RBFOX2: variants seen among roughly 807,000 people sequenced by gnomAD.
RBFOX2 encodes RNA binding protein fox-1 homolog 2.
In RBFOX2, 10 loss-of-function variants were observed where a neutral mutation model predicts 49.1. The observed-to-expected ratio is 0.20, with a 90% CI of 0.13 to 0.35. RBFOX2 has a LOEUF of 0.35. Among genes scored for constraint, RBFOX2 ranks in the 10% least tolerant of loss-of-function variants. The pLI, the probability that RBFOX2 is intolerant of heterozygous loss-of-function variation, is 1.00. For synonymous variants in RBFOX2, 183 were observed against 187.4 expected, an observed-to-expected ratio of 0.98 and a Z score of 0.19; for missense variants, 323 against 486.9, an observed-to-expected ratio of 0.66 and a Z score of 3.17.
chr22:35,906,756 A>T (rs1366895391), intron 1 of RBFOX2, among the ~76,000 whole-genome samples: 1 of 152,144 alleles, frequency 6.6e-6, no homozygotes, highest in East Asian at 1.9e-4. Context: ...TGGAGGCTGC[A>T]GTGAGCCAAG....
chr22:35,772,508 C>A lies in RBFOX2; in HGVS notation c.454-4159G>T, dbSNP rs111907959. Among the ~76,000 whole-genome samples the A allele has an allele frequency of 4.6e-3, 707 of 152,184 alleles. 9 individuals carry two copies. The highest frequency in any genetic ancestry group is 0.016 in the African/African-American group (649 of 41,534). ...TGTCCATTTTACCCTTACAGGCACA[C>A]CTCCGTTTAAACTCTCCAAATTTCA... is the stretch of plus-strand genomic sequence containing the variant. On this transcript the variant is annotated intron_variant, in intron 4 of 11. Transcript: ENST00000405409.
At chr22:36,028,306 G>T in exon 1 of RBFOX2, 2 of 1,525,652 alleles carry the variant, frequency 1.3e-6, no homozygotes, top group East Asian at 2.7e-5. Flanking sequence ...GGCCGGGATC[G>T]GCTCCGTCTC....
At chr22:35,834,596 G>A (rs760059060) in intron 1 of RBFOX2, among the ~76,000 whole-genome samples, 21 of 152,170 alleles carry the variant, frequency 1.4e-4, no homozygotes, top group Non-Finnish European at 2.8e-4. Context: ...AGTTAAGGGA[G>A]AGGTCGCCCT....
At chr22:35,815,078 G>A (rs887548073) in intron 1 of RBFOX2, among the ~76,000 whole-genome samples, 5 of 152,130 alleles carry the variant, frequency 3.3e-5, no homozygotes, top group African/African-American at 1.2e-4. Flanking sequence ...CAATCTCAGA[G>A]GTTCAATCAT....
At chr22:35,942,987 G>A (rs1037576763), upstream of RBFOX2, among the ~76,000 whole-genome samples, 19 of 152,110 alleles carry the variant, frequency 1.2e-4, no homozygotes, top group African/African-American at 3.6e-4. Context: ...TTTTATAAAT[G>A]TCATTTTACA....
chr22:36,025,968 T>C (rs1012592860), intron 1 of RBFOX2, among the ~76,000 whole-genome samples: 8 of 150,228 alleles, frequency 5.3e-5, no homozygotes, highest in African/African-American at 9.9e-5. Context: ...CCTACAACAA[T>C]GGGAATGTAT....
intron 1 of RBFOX2, among the ~76,000 whole-genome samples, chr22:35,856,691 G>A (rs1288743539): frequency 4.0e-5 from 6 of 151,850 alleles, no homozygotes; most frequent in African/African-American, 1.5e-4. Flanking sequence ...GATGGGACAG[G>A]GGGTGGAGGA....
In RBFOX2 at chr22:35,756,151, A is replaced by G; in HGVS notation, c.887+3737T>C. ...TCCGTCCTGGTAAACCACACTGCAG[A>G]AAATCCACACAAAAACAAAAACAAA... On this transcript the variant is annotated intron_variant, in intron 9 of 11. Transcript: ENST00000405409. 6.7e-7 allele frequency: 1 copy of G among 1,497,708 alleles called. No individual in the cohort carries two copies. Among genetic ancestry groups the G allele is most frequent in the Non-Finnish European group, 9.0e-7 (1 of 1,115,112 alleles). The allele number at this position is 1,497,708 out of a possible 1,614,324, so 92.8% of individuals were successfully genotyped here.
At chr22:35,838,523 C>T (rs919271720) in intron 1 of RBFOX2, among the ~76,000 whole-genome samples, 9 of 152,118 alleles carry the variant, frequency 5.9e-5, no homozygotes, top group Admixed American at 1.3e-4. Context: ...GCATCCCCAG[C>T]GTCTGGCATT....
chr22:35,942,889 A>G (rs936058701), upstream of RBFOX2, among the ~76,000 whole-genome samples: 35 of 152,228 alleles, frequency 2.3e-4, no homozygotes, highest in African/African-American at 8.2e-4. Flanking sequence ...ATGACTTAGA[A>G]TAAAGCTGTT....
chr22:35,991,430 G>A (rs1353597859), intron 1 of RBFOX2, among the ~76,000 whole-genome samples: 1 of 152,164 alleles, frequency 6.6e-6, no homozygotes, highest in Non-Finnish European at 1.5e-5. Context: ...TTTGGGTATT[G>A]CAAGGTTTCT....
chr22:35,802,724 G>C (rs971060858), intron 2 of RBFOX2, among the ~76,000 whole-genome samples: 1 of 152,044 alleles, frequency 6.6e-6, no homozygotes, highest in Admixed American at 6.6e-5. Context: ...GTCTGAAGAG[G>C]GTGCAGTGGA....
chr22:35,958,432 CA>C (rs1453744151), intron 1 of RBFOX2, among the ~76,000 whole-genome samples: 1 of 152,168 alleles, frequency 6.6e-6, no homozygotes, highest in Non-Finnish European at 1.5e-5. Context: ...TTTGAGTTCA[CA>C]ATCCTGCCTA....
chr22:35,917,419 G>T (rs994499210), intron 1 of RBFOX2, among the ~76,000 whole-genome samples: 3 of 152,302 alleles, frequency 2.0e-5, no homozygotes, highest in Admixed American at 6.5e-5. Flanking sequence ...AGAATGAGGG[G>T]AGGGGACAGT....
chr22:36,014,248 G>A lies in RBFOX2; in HGVS notation c.186+13992C>T, dbSNP rs541585816. On this transcript the variant is annotated intron_variant, in intron 1 of 13. Transcript: ENST00000438146. ...GCCATTCTCCTGCCTCAGCCTCTCC[G>A]AGTAGCTGGGACTACAGGCACCCGC... is the stretch of plus-strand genomic sequence containing the variant. 1.5e-3 allele frequency among the ~76,000 whole-genome samples: 235 copies of A among 151,802 alleles called. 1 individual carries two copies. Among genetic ancestry groups the A allele is most frequent in the Non-Finnish European group, 2.4e-3 (165 of 67,952 alleles).
intron 1 of RBFOX2, among the ~76,000 whole-genome samples, chr22:35,925,268 C>T (rs980278992): frequency 6.6e-6 from 1 of 151,858 alleles, no homozygotes; most frequent in Non-Finnish European, 1.5e-5. Flanking sequence ...CCTGTAATCC[C>T]AACACTTTGG....
intron 1 of RBFOX2, among the ~76,000 whole-genome samples, chr22:35,937,557 A>C (rs1569501111): frequency 6.6e-6 from 1 of 151,916 alleles, no homozygotes; most frequent in Non-Finnish European, 1.5e-5. Flanking sequence ...CAACCATCCT[A>C]GTTTTTGTTT....
chr22:35,853,226 T>C (rs1217719674), intron 1 of RBFOX2, among the ~76,000 whole-genome samples: 2 of 149,842 alleles, frequency 1.3e-5, no homozygotes, highest in Non-Finnish European at 3.0e-5. Flanking sequence ...CCTGGGAGGC[T>C]GAGGTTGCAG....
intron 1 of RBFOX2, among the ~76,000 whole-genome samples, chr22:35,937,889 G>A (rs566655300): frequency 1.3e-4 from 20 of 152,074 alleles, no homozygotes; most frequent in African/African-American, 3.4e-4. Context: ...GCACCCAGCC[G>A]ACCATCCTAG....
Sources: gnomAD v4.1 joint callset for allele counts (sites outside exome capture counted in the v4.1 genomes callset) on GRCh38, gnomAD v4.1.1 for gene constraint, MANE v1.5 for transcripts, NCBI Gene and HGNC (gene_info 2026-07-23, HGNC 2026-07-21) for gene names.